Variants in DNAH14 observed in about 807,000 individuals in gnomAD.
DNAH14 encodes axonemal beta dynein heavy chain 14.
DNAH14 carries 478 observed loss-of-function variants against 520.9 expected under a neutral mutation model. The observed-to-expected ratio is 0.92, with a 90% CI of 0.85 to 0.99. DNAH14 has a LOEUF of 0.99. DNAH14 is among the 50% of genes least tolerant of loss of function. The probability of loss-of-function intolerance (pLI) is 0.00; values close to 1 mark genes in which losing one functional copy is unlikely to be tolerated. For synonymous variants in DNAH14, 1,581 were observed against 1,757.2 expected (o/e 0.90, Z 2.51); for missense variants, 4,831 against 5,234.5 (o/e 0.92, Z 2.38).
chr1:225,144,872 A>G (rs371516439), intron 29 of DNAH14, among the ~76,000 whole-genome samples: 25 of 151,604 alleles, frequency 1.6e-4, no homozygotes, highest in African/African-American at 5.6e-4. Context: ...TTACTGACTA[A>G]CATGTGAATG....
intron 66 of DNAH14, among the ~76,000 whole-genome samples, chr1:225,335,321 ACATATACAC>A (rs1558426667): frequency 1.6e-4 from 20 of 122,410 alleles, no homozygotes; most frequent in Non-Finnish European, 1.2e-4. Context: ...GTGTATATGC[ACATATACAC>A]GTGTGTACAT....
chr1:225,233,689 C>A (rs2091327231), intron 42 of DNAH14, among the ~76,000 whole-genome samples: 1 of 151,950 alleles, frequency 6.6e-6, no homozygotes, highest in Admixed American at 6.6e-5. Context: ...GATATTAGAC[C>A]TTTGTCAGAT....
chr1:225,364,737 A>G (rs1434522898), intron 75 of DNAH14, 55 bp from the exon 76 acceptor site: 7 of 1,289,216 alleles, frequency 5.4e-6, no homozygotes, highest in South Asian at 1.5e-5. Flanking sequence ...GATTCTAAAA[A>G]CATGTTGGTT....
chr1:225,050,159 T>A, intron 15 of DNAH14, 51 bp from the exon 16 acceptor site: 1 of 1,457,898 alleles, frequency 6.9e-7, no homozygotes, highest in Non-Finnish European at 9.1e-7. Context: ...TTTTGAAGTG[T>A]TGCTTTCAAT....
intron 2 of DNAH14, 51 bp from the exon 3 acceptor site, chr1:224,954,908 T>G: frequency 2.8e-6 from 4 of 1,438,492 alleles, no homozygotes; most frequent in Non-Finnish European, 3.8e-6. Context: ...CAGTATTTTA[T>G]TGGTGTGATT....
Position 225,387,242 on chromosome 1 carries a change from G to T in DNAH14, c.13078-1137G>T, listed in dbSNP as rs368809693. Among the ~76,000 whole-genome samples, 420 of 152,000 alleles carry T rather than the reference G, an allele frequency of 2.8e-3. 1 individual carries two copies. The highest frequency in any genetic ancestry group is 9.2e-3 in the African/African-American group (381 of 41,456). On this transcript the variant is annotated intron_variant, in intron 81 of 85. Coordinates refer to ENST00000682510, the MANE Select transcript of DNAH14 (RefSeq NM_001367479.1). ...TCACACACTGGGGCCTGTCATGTGT[G>T]GGGGGGAGGGGGAGGGATAGCATTA...
At chr1:225,288,708 T>C (rs2093801449) in intron 54 of DNAH14, among the ~76,000 whole-genome samples, 1 of 152,114 alleles carries the variant, frequency 6.6e-6, no homozygotes, top group Non-Finnish European at 1.5e-5. Flanking sequence ...AATCAGCCCA[T>C]GAAAAGATGT....
intron 58 of DNAH14, among the ~76,000 whole-genome samples, chr1:225,306,220 C>T (rs891196420): frequency 1.3e-5 from 2 of 152,124 alleles, no homozygotes; most frequent in African/African-American, 2.4e-5. Context: ...ATTAAGTTTT[C>T]GTTAACAAGG....
chr1:225,186,511 T>C (rs2084755680), intron 37 of DNAH14, among the ~76,000 whole-genome samples: 1 of 151,862 alleles, frequency 6.6e-6, no homozygotes, highest in South Asian at 2.1e-4. Flanking sequence ...AAACAGTTTT[T>C]TAAGTACAAA....
rs572978918 is a variant in DNAH14 at position 225,112,990 on chromosome 1, C to T, written c.3868-4694C>T. ...TCACTTTGGGGTTGGTCCCTGGAGG[C>T]TTATTTAATTTATTTGGTAAGGTTT... On this transcript the variant is annotated intron_variant, in intron 23 of 85. Transcript: ENST00000682510. Among the ~76,000 whole-genome samples, 9 of 152,086 alleles carry T rather than the reference C, an allele frequency of 5.9e-5. No homozygotes were observed. The South Asian group carries it at 1.5e-3, about 25-fold the overall frequency.
At chr1:225,379,234 CTT>C (rs972273827) in intron 79 of DNAH14, among the ~76,000 whole-genome samples, 7 of 152,212 alleles carry the variant, frequency 4.6e-5, no homozygotes, top group African/African-American at 1.4e-4. Context: ...GTTGCCTCCT[CTT>C]TTTCATTGTC....
intron 69 of DNAH14, among the ~76,000 whole-genome samples, chr1:225,344,966 G>A (rs1035856891): frequency 1.3e-5 from 2 of 152,026 alleles, no homozygotes; most frequent in East Asian, 3.9e-4. Flanking sequence ...GCCTGCCTGG[G>A]CCTCCCAAAG....
intron 27 of DNAH14, among the ~76,000 whole-genome samples, chr1:225,125,283 T>C (rs1366827326): frequency 1.3e-5 from 2 of 152,210 alleles, no homozygotes; most frequent in African/African-American, 4.8e-5. Flanking sequence ...TTTGAAGCTT[T>C]GAAGCCAGGT....
In DNAH14 at chr1:225,220,419, G is replaced by A. The variant is rs573428930; in HGVS notation, c.6440-10654G>A. ...TACATTTAGAAAACCCATTGTCTCA[G>A]CCCTAAAACTCTTAAGCTGATAAGC... On this transcript the variant is annotated intron_variant, in intron 41 of 85. Transcript: ENST00000682510. Among the ~76,000 whole-genome samples the A allele has an allele frequency of 2.0e-4, 31 of 152,302 alleles. No individual in the cohort carries two copies. In the South Asian group the frequency reaches 6.2e-3, roughly 31 times the overall value.
In DNAH14 at chr1:224,967,642, G is replaced by A. The variant is rs765785545; in HGVS notation, c.651+59G>A. On this transcript the variant is annotated intron_variant, in intron 6 of 85. Transcript: ENST00000682510. ...TTATATTACAAAAATATTATCCAAGGTAGAATTTAATTGCATACATTTATC... is the reference window on the plus strand; with the variant it reads ...TTATATTACAAAAATATTATCCAAGATAGAATTTAATTGCATACATTTATC... The A allele has an allele frequency of 5.0e-6, 8 of 1,596,284 alleles. No homozygotes were observed. In the South Asian group the frequency reaches 8.0e-5, roughly 16 times the overall value.
Position 225,346,240 on chromosome 1 carries a change from T to C in DNAH14, c.10957T>C (p.Phe3653Leu). The change falls in exon 70 of 86, where the codon TTT (phenylalanine) becomes CTT (leucine). Residue 3653 changes from phenylalanine to leucine, a missense_variant. Coordinates refer to ENST00000682510, the MANE Select transcript of DNAH14 (RefSeq NM_001367479.1). ...VSKSKEQEHSFKREKVSPKEV... is the reference protein window; with the variant it reads ...VSKSKEQEHSLKREKVSPKEV... ...CAAAAGCAAAGAACAAGAACATAGT[T>C]TTAAAAGGGAGAAAGTGTCTCCAAA... 6.4e-7 allele frequency: 1 copy of C among 1,551,578 alleles called. No homozygotes were observed. The highest frequency in any genetic ancestry group is 8.7e-7 in the Non-Finnish European group (1 of 1,146,952).
chr1:225,217,151 G>T (rs867899437), intron 41 of DNAH14, among the ~76,000 whole-genome samples: 4 of 152,196 alleles, frequency 2.6e-5, no homozygotes, highest in African/African-American at 9.7e-5. Context: ...AGGTCTGTTG[G>T]AGTTTGCTGG....
rs570467647 is a variant in DNAH14 at position 225,036,703 on chromosome 1, C to T, written c.1359-1991C>T. Among the ~76,000 whole-genome samples the T allele has an allele frequency of 5.9e-5, 9 of 152,288 alleles. No homozygotes were observed. In the East Asian group the frequency reaches 1.7e-3, roughly 29 times the overall value. ...GTTTGGCAGTTACCCAAGAGACTTT[C>T]CCTTCACTTCCCTCTGTGCCTGAGC... is the stretch of plus-strand genomic sequence containing the variant. On this transcript the variant is annotated intron_variant, in intron 11 of 85. Transcript: ENST00000682510.
chr1:225,322,497 C>A (rs1457362270), intron 61 of DNAH14, among the ~76,000 whole-genome samples, 167 bp from the exon 62 acceptor site: 1 of 152,102 alleles, frequency 6.6e-6, no homozygotes, highest in Non-Finnish European at 1.5e-5. Context: ...ATTTAAGATA[C>A]CCAATTTTTA....
Sources: gnomAD v4.1 joint callset for allele counts (sites outside exome capture counted in the v4.1 genomes callset) on GRCh38, gnomAD v4.1.1 for gene constraint, MANE v1.5 for transcripts, NCBI Gene and HGNC (gene_info 2026-07-23, HGNC 2026-07-21) for gene names.